The following SGCZ variants were observed in gnomAD, a reference collection of about 807,000 sequenced individuals.
SGCZ encodes zeta-sarcoglycan.
A neutral mutation model predicts 41.3 loss-of-function variants in SGCZ; 40 were observed. That is an observed-to-expected ratio of 0.97 (90% CI 0.75 to 1.26). The LOEUF (loss-of-function observed/expected upper bound fraction) is 1.26. Ranked by LOEUF, SGCZ falls within the 50% of genes most tolerant of loss-of-function variation. The probability of loss-of-function intolerance (pLI) is 0.00; values close to 1 mark genes in which losing one functional copy is unlikely to be tolerated. For synonymous variants in SGCZ, 206 were observed against 137.5 expected (o/e 1.50, Z -3.49); for missense variants, 552 against 369.8 (o/e 1.49, Z -4.04).
chr8:14,489,771 C>T (rs1801787617), intron 2 of SGCZ, among the ~76,000 whole-genome samples: 1 of 151,902 alleles, frequency 6.6e-6, no homozygotes, highest in Admixed American at 6.6e-5. Flanking sequence ...TTTCCTAGGC[C>T]TCAGTTAATA....
chr8:14,511,298 A>C (rs1053424275), intron 2 of SGCZ, among the ~76,000 whole-genome samples: 1 of 151,976 alleles, frequency 6.6e-6, no homozygotes, highest in Non-Finnish European at 1.5e-5. Context: ...GTCTTTTTTT[A>C]AATCTTCTAC....
intron 1 of SGCZ, among the ~76,000 whole-genome samples, chr8:15,158,016 T>G (rs1264773804): frequency 6.6e-6 from 1 of 152,160 alleles, no homozygotes; most frequent in Non-Finnish European, 1.5e-5. Context: ...TAGATTTCCA[T>G]TCTTTGTCCA....
chr8:14,667,404 A>G (rs1010616844), intron 1 of SGCZ, among the ~76,000 whole-genome samples: 12 of 152,190 alleles, frequency 7.9e-5, no homozygotes, highest in Non-Finnish European at 1.8e-4. Context: ...TCCAGTGCAC[A>G]AAATGTGGGA....
At chr8:14,745,524 G>C (rs1799316523) in intron 1 of SGCZ, among the ~76,000 whole-genome samples, 1 of 152,080 alleles carries the variant, frequency 6.6e-6, no homozygotes, top group African/African-American at 2.4e-5. Context: ...TGAGGCTGCA[G>C]TGATCTATGA....
chr8:14,853,318 C>A, intron 1 of SGCZ: 1 of 293,330 alleles, frequency 3.4e-6, no homozygotes, highest in Non-Finnish European at 7.7e-6. Flanking sequence ...ACAGGTTAAA[C>A]ATGGCACTTT....
chr8:14,835,621 C>A (rs1189942790), intron 1 of SGCZ, among the ~76,000 whole-genome samples: 2 of 152,206 alleles, frequency 1.3e-5, no homozygotes, highest in Non-Finnish European at 2.9e-5. Context: ...TTGAGGCACC[C>A]TGCTAGACAC....
intron 1 of SGCZ, among the ~76,000 whole-genome samples, chr8:14,850,762 C>A (rs73535073): frequency 0.015 from 2,293 of 152,174 alleles, 41 homozygotes; most frequent in African/African-American, 0.039. Context: ...AGTTTCCCCA[C>A]CGCTGTTCTC....
At chr8:14,309,545 G>A (rs1489867109) in intron 3 of SGCZ, 6 of 1,610,202 alleles carry the variant, frequency 3.7e-6, no homozygotes, top group Non-Finnish European at 5.1e-6. Context: ...CAAAGAAGCT[G>A]TTACACATAC....
intron 1 of SGCZ, among the ~76,000 whole-genome samples, chr8:14,888,374 G>A (rs1001982411): frequency 1.3e-5 from 2 of 152,106 alleles, no homozygotes; most frequent in South Asian, 2.1e-4. Flanking sequence ...TACGTGAGAA[G>A]CTTTGCCATC....
At chr8:14,920,242 TAGA>T (rs1230619652) in intron 1 of SGCZ, among the ~76,000 whole-genome samples, 1 of 152,154 alleles carries the variant, frequency 6.6e-6, no homozygotes, top group African/African-American at 2.4e-5. Flanking sequence ...AGAAGAGCCT[TAGA>T]AGATCATCAT....
chr8:14,254,040 A>G (rs1799378975), intron 3 of SGCZ, among the ~76,000 whole-genome samples: 1 of 152,214 alleles, frequency 6.6e-6, no homozygotes, highest in South Asian at 2.1e-4. Context: ...TTCCAAAAAG[A>G]TATTAAATAT....
chr8:14,224,895 A>C (rs2054423), intron 4 of SGCZ, among the ~76,000 whole-genome samples: 1 of 152,050 alleles, frequency 6.6e-6, no homozygotes, highest in Non-Finnish European at 1.5e-5. Context: ...TCAAGCCACT[A>C]AATATTCTCT....
intron 4 of SGCZ, among the ~76,000 whole-genome samples, chr8:14,206,144 A>G (rs531569255): frequency 5.9e-5 from 9 of 152,264 alleles, no homozygotes; most frequent in Admixed American, 5.2e-4. Context: ...GTATGTGTAT[A>G]AGGTCAAGTT....
intron 4 of SGCZ, among the ~76,000 whole-genome samples, chr8:14,216,307 A>G (rs537078849): frequency 2.6e-5 from 4 of 152,212 alleles, no homozygotes; most frequent in Middle Eastern, 3.4e-3. Context: ...TCCTTTTCCT[A>G]TACTTTCTCC....
At chr8:14,751,345 T>C (rs1418693769) in intron 1 of SGCZ, among the ~76,000 whole-genome samples, 1 of 152,084 alleles carries the variant, frequency 6.6e-6, no homozygotes, top group Non-Finnish European at 1.5e-5. Flanking sequence ...TAGGATCCAT[T>C]AGGGGAAAAC....
intron 5 of SGCZ, among the ~76,000 whole-genome samples, chr8:14,112,768 T>G (rs1277411949): frequency 1.3e-5 from 2 of 152,120 alleles, no homozygotes; most frequent in Non-Finnish European, 2.9e-5. Context: ...TACTTGCAAT[T>G]TCTAACAGAA....
At chr8:15,099,006 C>T (rs1191040916) in intron 1 of SGCZ, among the ~76,000 whole-genome samples, 7 of 151,938 alleles carry the variant, frequency 4.6e-5, no homozygotes, top group Non-Finnish European at 8.8e-5. Flanking sequence ...TGTACTGAGC[C>T]GAGATCCCAC....
At chr8:14,716,717 C>T (rs1809701361) in intron 1 of SGCZ, among the ~76,000 whole-genome samples, 1 of 152,012 alleles carries the variant, frequency 6.6e-6, no homozygotes, top group Non-Finnish European at 1.5e-5. Context: ...TTTCTAAATG[C>T]ATAGTTCATT....
intron 1 of SGCZ, among the ~76,000 whole-genome samples, chr8:14,628,987 C>T (rs1278419973): frequency 6.6e-6 from 1 of 152,122 alleles, no homozygotes; most frequent in Non-Finnish European, 1.5e-5. Context: ...CTTATTTTCA[C>T]TTAACACAGG....
Sources: gnomAD v4.1 joint callset for allele counts (sites outside exome capture counted in the v4.1 genomes callset) on GRCh38, gnomAD v4.1.1 for gene constraint, MANE v1.5 for transcripts, NCBI Gene and HGNC (gene_info 2026-07-23, HGNC 2026-07-21) for gene names.